CDKAL1: variants seen among roughly 807,000 people sequenced by gnomAD.
CDKAL1 encodes CDKAL1 threonylcarbamoyladenosine tRNA methylthiotransferase, also known as threonylcarbamoyladenosine tRNA methylthiotransferase.
A neutral mutation model predicts 68.2 loss-of-function variants in CDKAL1; 32 were observed. The ratio of observed to expected loss-of-function variants is 0.47; its 90% CI spans 0.35 to 0.63. CDKAL1 has a LOEUF of 0.63. Among genes scored for constraint, CDKAL1 ranks in the 30% least tolerant of loss-of-function variants. The probability of loss-of-function intolerance (pLI) is 0.00; values close to 1 mark genes in which losing one functional copy is unlikely to be tolerated. For synonymous variants in CDKAL1, 234 were observed against 244.3 expected (o/e 0.96, Z 0.39); for missense variants, 606 against 696.7 (o/e 0.87, Z 1.47).
At chr6:20,667,185 T>C (rs1769589013) in intron 5 of CDKAL1, among the ~76,000 whole-genome samples, 1 of 152,222 alleles carries the variant, frequency 6.6e-6, no homozygotes, top group Non-Finnish European at 1.5e-5. Flanking sequence ...GCCATTTTTA[T>C]GTGATACATT....
intron 4 of CDKAL1, among the ~76,000 whole-genome samples, chr6:20,595,779 T>A (rs1765794073): frequency 6.6e-6 from 1 of 152,202 alleles, no homozygotes; most frequent in African/African-American, 2.4e-5. Context: ...TCAGCCTTTT[T>A]GCGCTGGTTT....
In CDKAL1 at chr6:21,116,889, T is replaced by A. The variant is rs565096005; in HGVS notation, c.1299+8426T>A. ...TGGTTATATACTTCCTCTATGAAATTCACTAGTATGAGGAAGAAACTAGCA... is the reference window on the plus strand; with the variant it reads ...TGGTTATATACTTCCTCTATGAAATACACTAGTATGAGGAAGAAACTAGCA... On this transcript the variant is annotated intron_variant, in intron 13 of 15. Transcript: ENST00000274695. Among the ~76,000 whole-genome samples the A allele has an allele frequency of 3.3e-5, 5 of 152,296 alleles. No individual in the cohort carries two copies. In the South Asian group the frequency reaches 1.0e-3, roughly 32 times the overall value.
chr6:21,118,078 T>C (rs962112301), intron 13 of CDKAL1, among the ~76,000 whole-genome samples: 3 of 152,194 alleles, frequency 2.0e-5, no homozygotes, highest in African/African-American at 4.8e-5. Flanking sequence ...ATATTATATT[T>C]TCCAGGAAGA....
At chr6:20,940,123 G>T (rs1284099575) in intron 9 of CDKAL1, among the ~76,000 whole-genome samples, 1 of 152,128 alleles carries the variant, frequency 6.6e-6, no homozygotes, top group Non-Finnish European at 1.5e-5. Flanking sequence ...CAAAATGATT[G>T]TTGTACAGTT....
At chr6:20,745,664 C>T (rs923506965) in intron 6 of CDKAL1, among the ~76,000 whole-genome samples, 5 of 151,934 alleles carry the variant, frequency 3.3e-5, no homozygotes, top group Non-Finnish European at 7.4e-5. Flanking sequence ...AACTAGATTG[C>T]GTGGGTTCAA....
chr6:20,580,268 GT>G (rs1260640289), intron 4 of CDKAL1, among the ~76,000 whole-genome samples: 1 of 152,170 alleles, frequency 6.6e-6, no homozygotes, highest in Non-Finnish European at 1.5e-5. Flanking sequence ...ACATTCAGTA[GT>G]TTGTTATGAA....
At chr6:20,668,309 TG>T (rs1490251642) in intron 5 of CDKAL1, among the ~76,000 whole-genome samples, 1 of 152,050 alleles carries the variant, frequency 6.6e-6, no homozygotes, top group African/African-American at 2.4e-5. Context: ...CTTAGAAGAA[TG>T]TTTTTTTAAG....
chr6:20,809,211 A>G (rs982714792), intron 8 of CDKAL1, among the ~76,000 whole-genome samples: 2 of 152,190 alleles, frequency 1.3e-5, no homozygotes, highest in African/African-American at 4.8e-5. Flanking sequence ...CTTTTCAGCT[A>G]CAGCTCCCAA....
At chr6:20,725,783 TAAAAAAA>T (rs67587689) in intron 5 of CDKAL1, among the ~76,000 whole-genome samples, 4 of 99,080 alleles carry the variant, frequency 4.0e-5, no homozygotes, top group East Asian at 2.6e-4. Flanking sequence ...AAACTCCGTC[TAAAAAAA>T]AAAAAAAAAA....
chr6:20,730,122 C>G (rs1389734265), intron 5 of CDKAL1, among the ~76,000 whole-genome samples: 3 of 151,774 alleles, frequency 2.0e-5, no homozygotes, highest in Admixed American at 2.0e-4. Context: ...GAGTTTGAGA[C>G]CAGGCTGGGC....
intron 10 of CDKAL1, among the ~76,000 whole-genome samples, chr6:20,966,419 G>T (rs1168361843): frequency 6.6e-6 from 1 of 152,104 alleles, no homozygotes; most frequent in Non-Finnish European, 1.5e-5. Context: ...TCTTTGATTT[G>T]CATATGTTGT....
intron 13 of CDKAL1, among the ~76,000 whole-genome samples, chr6:21,124,359 T>TA (rs1774880698): frequency 6.6e-6 from 1 of 152,144 alleles, no homozygotes; most frequent in Non-Finnish European, 1.5e-5. Context: ...CCATTCACAG[T>TA]AGAGTCCTGT....
At chr6:20,755,511 T>A (rs1774130444) in intron 6 of CDKAL1, among the ~76,000 whole-genome samples, 2 of 152,182 alleles carry the variant, frequency 1.3e-5, no homozygotes, top group African/African-American at 2.4e-5. Context: ...TTTCTTTCCC[T>A]GTTTAACCTA....
Position 21,129,167 on chromosome 6 carries a change from A to G in CDKAL1, c.1299+20704A>G, listed in dbSNP as rs1462309764. On this transcript the variant is annotated intron_variant, in intron 13 of 15. Coordinates refer to ENST00000274695, the MANE Select transcript of CDKAL1 (RefSeq NM_017774.3). ...ACTTAATAAATGTTAGTTGTTAAAT[A>G]ATAATTATAAATTCTATCCATAAGT... 4.6e-5 allele frequency among the ~76,000 whole-genome samples: 7 copies of G among 152,356 alleles called. No individual in the cohort carries two copies. In the East Asian group the frequency reaches 1.3e-3, roughly 29 times the overall value.
chr6:20,722,204 A>G (rs1370458440), intron 5 of CDKAL1: 1 of 152,220 alleles, frequency 6.6e-6, no homozygotes, highest in Non-Finnish European at 1.5e-5. Context: ...AACAACACGG[A>G]TAATTTGGGA....
chr6:21,061,548 TCTTAA>T (rs1303237135), intron 11 of CDKAL1, among the ~76,000 whole-genome samples: 2 of 152,146 alleles, frequency 1.3e-5, no homozygotes, highest in Non-Finnish European at 2.9e-5. Context: ...AGAATTAGCA[TCTTAA>T]ATATTTGGAT....
intron 4 of CDKAL1, among the ~76,000 whole-genome samples, chr6:20,591,759 G>A (rs970673737): frequency 1.3e-5 from 2 of 152,134 alleles, no homozygotes; most frequent in Admixed American, 6.5e-5. Context: ...GTACCATGCT[G>A]TTTTGGTTAC....
chr6:21,178,716 A>C (rs1307425123), intron 13 of CDKAL1, among the ~76,000 whole-genome samples: 1 of 152,216 alleles, frequency 6.6e-6, no homozygotes, highest in Non-Finnish European at 1.5e-5. Context: ...TCAACATCCC[A>C]GCAACCTACA....
At chr6:20,727,351 T>C (rs1772701660) in intron 5 of CDKAL1, among the ~76,000 whole-genome samples, 1 of 152,118 alleles carries the variant, frequency 6.6e-6, no homozygotes. Context: ...TACATATAAC[T>C]ACATATGGAT....
Sources: gnomAD v4.1 joint callset for allele counts (sites outside exome capture counted in the v4.1 genomes callset) on GRCh38, gnomAD v4.1.1 for gene constraint, MANE v1.5 for transcripts, NCBI Gene and HGNC (gene_info 2026-07-23, HGNC 2026-07-21) for gene names.